NSMCE2: variants seen among roughly 807,000 people sequenced by gnomAD.
NSMCE2 encodes E3 SUMO-protein ligase NSE2.
Under a neutral mutation model 23.8 loss-of-function variants are expected in NSMCE2, and 24 were observed. The observed-to-expected ratio is 1.01, with a 90% CI of 0.73 to 1.42. The LOEUF is 1.42. Ranked by LOEUF, NSMCE2 falls within the 40% of genes most tolerant of loss-of-function variation. NSMCE2 has a pLI of 0.00. For missense variants in NSMCE2, 284 were observed against 296.5 expected, an observed-to-expected ratio of 0.96 and a Z score of 0.31; for synonymous variants, 92 against 94.1, an observed-to-expected ratio of 0.98 and a Z score of 0.13.
chr8:125,235,043 C>T (rs1483366766), intron 5 of NSMCE2, among the ~76,000 whole-genome samples: 5 of 151,796 alleles, frequency 3.3e-5, no homozygotes, highest in East Asian at 1.9e-4. Flanking sequence ...GCCAGGAGTT[C>T]GAGACCAGCC....
chr8:125,160,280 A>G (rs915518509), intron 4 of NSMCE2, among the ~76,000 whole-genome samples: 10 of 152,224 alleles, frequency 6.6e-5, no homozygotes, highest in African/African-American at 2.2e-4. Context: ...CTAATTTATA[A>G]GGTTGCCTAG....
rs74547307 is a variant in NSMCE2 at position 125,238,068 on chromosome 8, C to T, written c.418+55812C>T. Among the ~76,000 whole-genome samples, 937 of 152,266 alleles carry T rather than the reference C, an allele frequency of 6.2e-3. 7 individuals are homozygous for T. Among genetic ancestry groups the T allele is most frequent in the African/African-American group, 0.022 (894 of 41,540 alleles). ...GACTCCCAACACCTCATTTCTAGTCCTGGCTTCACAGCCTCTTCTGGTCCT... is the reference window on the plus strand; with the variant it reads ...GACTCCCAACACCTCATTTCTAGTCTTGGCTTCACAGCCTCTTCTGGTCCT... On this transcript the variant is annotated intron_variant, in intron 5 of 7. Transcript: ENST00000287437.
chr8:125,243,184 A>T (rs187338739), intron 5 of NSMCE2, among the ~76,000 whole-genome samples: 15 of 152,246 alleles, frequency 9.9e-5, no homozygotes, highest in African/African-American at 3.6e-4. Flanking sequence ...CAATTGTAAT[A>T]GAGAATACAT....
intron 5 of NSMCE2, among the ~76,000 whole-genome samples, chr8:125,206,271 A>G (rs1824114671): frequency 6.6e-6 from 1 of 152,236 alleles, no homozygotes; most frequent in African/African-American, 2.4e-5. Flanking sequence ...AGAAAAGATT[A>G]CAAGGGTAAG....
intron 5 of NSMCE2, among the ~76,000 whole-genome samples, chr8:125,339,166 G>A (rs1340156446): frequency 1.3e-5 from 2 of 152,156 alleles, no homozygotes; most frequent in East Asian, 3.9e-4. Context: ...CTTGAGTCCT[G>A]TCCACCCTCA....
At chr8:125,150,426 C>CTTTTTTTTTTTTTTTTTTTTTTTTTT (rs71295819) in intron 3 of NSMCE2, among the ~76,000 whole-genome samples, 6 of 61,870 alleles carry the variant, frequency 9.7e-5, no homozygotes, top group African/African-American at 1.5e-4. Context: ...TTCTTTCTTT[C>CTTTTTTTTTTTTTTTTTTTTTTTTTT]TTTTTTTTTT....
intron 1 of NSMCE2, among the ~76,000 whole-genome samples, chr8:125,100,880 T>C (rs535659005): frequency 1.3e-5 from 2 of 152,272 alleles, no homozygotes; most frequent in African/African-American, 4.8e-5. Flanking sequence ...ATATTTCTAG[T>C]GCCTGGGATA....
intron 4 of NSMCE2, among the ~76,000 whole-genome samples, chr8:125,161,570 G>T (rs887927385): frequency 1.3e-5 from 2 of 152,078 alleles, no homozygotes; most frequent in African/African-American, 4.8e-5. Context: ...GGCTGAGGCG[G>T]TTGGATCATC....
rs1485850714 is a variant in NSMCE2 at position 125,293,530 on chromosome 8, C to T, written c.419-63689C>T. 2.2e-5 allele frequency among the ~76,000 whole-genome samples: 3 copies of T among 134,492 alleles called. 1 individual carries two copies. Among genetic ancestry groups the T allele is most frequent in the African/African-American group, 9.1e-5 (3 of 33,084 alleles). The allele number at this position is 134,492 out of a possible 152,430, so 88.2% of individuals were successfully genotyped here. A position where few individuals can be genotyped will look rare whatever the true frequency, so the allele number is the denominator to read the frequency against. ...CGTTCAATAAATGATCACTGAGCAT[C>T]CACTCTGTGGAAAGCTCCATGCTAA... On this transcript the variant is annotated intron_variant, in intron 5 of 7. Transcript: ENST00000287437.
Position 125,182,202 on chromosome 8 carries a change from A to G in NSMCE2, c.364A>G (p.Asn122Asp). The change falls in exon 5 of 8, where the codon AAT becomes GAT. Residue 122 changes from asparagine (N) to aspartate (D), a missense_variant. Coordinates refer to ENST00000287437, the MANE Select transcript of NSMCE2 (RefSeq NM_173685.4). ...CAAGAATTCTGATGCAGACTTTCAA[A>G]ATAATGAAAAATTTGTACAGTTTAA... ...QSKNSDADFQ[N>D]NEKFVQFKQQ... 1 of 1,608,224 alleles carries G rather than the reference A, an allele frequency of 6.2e-7. No individual in the cohort carries two copies. The highest frequency in any genetic ancestry group is 8.5e-7 in the Non-Finnish European group (1 of 1,176,828).
At chr8:125,355,699 C>CAAAAAAAA (rs140692089) in intron 5 of NSMCE2, among the ~76,000 whole-genome samples, 1 of 46,756 alleles carries the variant, frequency 2.1e-5, no homozygotes. Flanking sequence ...GACTCCATCT[C>CAAAAAAAA]AAAAAAAAAA....
intron 5 of NSMCE2, among the ~76,000 whole-genome samples, chr8:125,229,813 TATC>T (rs1825247825): frequency 1.3e-5 from 2 of 152,190 alleles, no homozygotes; most frequent in Non-Finnish European, 2.9e-5. Context: ...AATGATGACT[TATC>T]ATTTGATAAA....
chr8:125,165,191 T>A (rs1402561547), intron 4 of NSMCE2, among the ~76,000 whole-genome samples: 1 of 152,228 alleles, frequency 6.6e-6, no homozygotes, highest in Non-Finnish European at 1.5e-5. Flanking sequence ...TGATACCTCA[T>A]AGGGCTGTGG....
chr8:125,172,257 C>T (rs1035421282), intron 4 of NSMCE2, among the ~76,000 whole-genome samples: 3 of 152,168 alleles, frequency 2.0e-5, no homozygotes, highest in African/African-American at 7.2e-5. Context: ...AGGCAAAGGA[C>T]TGAGGTGGCA....
chr8:125,136,910 T>C (rs1188513604), intron 3 of NSMCE2, among the ~76,000 whole-genome samples: 2 of 152,116 alleles, frequency 1.3e-5, no homozygotes, highest in Admixed American at 1.3e-4. Flanking sequence ...TTCTAAAATG[T>C]GAGACATCTT....
chr8:125,291,967 G>T (rs1828123987), intron 5 of NSMCE2, among the ~76,000 whole-genome samples: 1 of 152,036 alleles, frequency 6.6e-6, no homozygotes, highest in South Asian at 2.1e-4. Flanking sequence ...CCATCTTGTG[G>T]TTCTGTCCTC....
In NSMCE2 at chr8:125,316,772, T is replaced by TTCCTTCCTTCCTTCC; in HGVS notation, c.419-40447_419-40446insTCCTTCCTTCCTTCC. ...CCTTCCTTCCTTCCTTCCTTCCTTC[T>TTCCTTCCTTCCTTCC]CTCTCTCTCTTTCTTTCTTTCTTTC... On this transcript the variant is annotated intron_variant, in intron 5 of 7. Coordinates refer to ENST00000287437, the MANE Select transcript of NSMCE2 (RefSeq NM_173685.4). Among the ~76,000 whole-genome samples the TTCCTTCCTTCCTTCC allele has an allele frequency of 2.5e-5, 2 of 79,044 alleles. 1 individual carries two copies. The highest frequency in any genetic ancestry group is 1.6e-4 in the African/African-American group (2 of 12,216). 51.9% of individuals were successfully genotyped at this position (79,044 alleles called of 152,430 possible). A position where few individuals can be genotyped will look rare whatever the true frequency, so the allele number is the denominator to read the frequency against.
intron 5 of NSMCE2, among the ~76,000 whole-genome samples, chr8:125,217,861 G>A (rs182149138): frequency 5.8e-4 from 88 of 150,734 alleles, no homozygotes; most frequent in Non-Finnish European, 6.5e-4. Flanking sequence ...ATACTTAGTG[G>A]CAGTGACCAT....
intron 5 of NSMCE2, among the ~76,000 whole-genome samples, chr8:125,253,978 G>A (rs572190574): frequency 6.6e-6 from 1 of 152,270 alleles, no homozygotes; most frequent in East Asian, 1.9e-4. Flanking sequence ...TGTTCAGGAT[G>A]CTTCTCAAAA....
Sources: gnomAD v4.1 joint callset for allele counts (sites outside exome capture counted in the v4.1 genomes callset) on GRCh38, gnomAD v4.1.1 for gene constraint, MANE v1.5 for transcripts, NCBI Gene and HGNC (gene_info 2026-07-23, HGNC 2026-07-21) for gene names.